SSH1: variants seen among roughly 807,000 people sequenced by gnomAD.
SSH1 encodes protein phosphatase Slingshot homolog 1.
In SSH1, 43 loss-of-function variants were observed where a neutral mutation model predicts 79.7. The ratio of observed to expected loss-of-function variants is 0.54; its 90% CI spans 0.42 to 0.70. The LOEUF is 0.70. Ranked by LOEUF, SSH1 falls within the 30% of genes least tolerant of loss-of-function variation. The probability of loss-of-function intolerance (pLI) is 0.00; values close to 1 mark genes in which losing one functional copy is unlikely to be tolerated. For missense variants in SSH1, 1,206 were observed against 1,358.8 expected (o/e 0.89, Z 1.77); for synonymous variants, 599 against 538.3 (o/e 1.11, Z -1.56).
intron 2 of SSH1, among the ~76,000 whole-genome samples, chr12:108,838,568 A>G (rs1300269936): frequency 1.3e-5 from 2 of 152,228 alleles, no homozygotes; most frequent in Non-Finnish European, 2.9e-5. Context: ...GATGTGACTC[A>G]GCATCCTGTC....
intron 2 of SSH1, among the ~76,000 whole-genome samples, chr12:108,835,932 C>CG (rs2038601510): frequency 1.4e-5 from 1 of 73,092 alleles, no homozygotes; most frequent in South Asian, 5.7e-4. Flanking sequence ...TTAATATAAT[C>CG]AATTATAACT....
At position 108,807,642 on chromosome 12, in the gene SSH1, A is replaced by G; in HGVS notation, c.722T>C (p.Phe241Ser). The change falls in exon 8 of 15, where the codon TTT (phenylalanine) becomes TCT (serine). Residue 241 changes from phenylalanine to serine, a missense_variant. Transcript: ENST00000326495. This position sits in a 1 kb window ranked among gnomAD's most constrained non-coding sequence, Gnocchi z 5.2. ...GAGGCACCTCACTTACTTGTCCACA[A>G]ATAGCGCGGGGGAGTCGGGCCGCGT... ...ESTRPDSPAL[F>S]VDKPTEGERT... 1 of 1,612,658 alleles carries G rather than the reference A, an allele frequency of 6.2e-7. No homozygotes were observed. The highest frequency in any genetic ancestry group is 8.5e-7 in the Non-Finnish European group (1 of 1,179,146).
intron 2 of SSH1, among the ~76,000 whole-genome samples, chr12:108,845,959 G>A (rs540678771): frequency 2.0e-4 from 30 of 152,234 alleles, no homozygotes; most frequent in Non-Finnish European, 3.4e-4. Context: ...GTTCAATGAA[G>A]AGGGGAAGCA....
At chr12:108,840,266 T>G (rs2038744542) in intron 2 of SSH1, among the ~76,000 whole-genome samples, 1 of 152,118 alleles carries the variant, frequency 6.6e-6, no homozygotes, top group African/African-American at 2.4e-5. Flanking sequence ...GCGCAGTGGC[T>G]CATGCCTGTA....
intron 5 of SSH1, 39 bp from the exon 6 acceptor site, chr12:108,811,367 A>G (rs768882667): frequency 6.3e-7 from 1 of 1,599,736 alleles, no homozygotes; most frequent in South Asian, 1.1e-5. Context: ...GTCAGCGTCT[A>G]CCCACCTACG....
chr12:108,811,476 T>C, intron 5 of SSH1, 148 bp from the exon 6 acceptor site: 1 of 734,018 alleles, frequency 1.4e-6, no homozygotes, highest in South Asian at 1.5e-5. Context: ...TGATGAATTC[T>C]AGAAGACACA....
At chr12:108,830,892 G>A (rs61935481) in intron 2 of SSH1, among the ~76,000 whole-genome samples, 2,466 of 152,004 alleles carry the variant, frequency 0.016, 32 homozygotes, top group Non-Finnish European at 0.024. Flanking sequence ...CGATTGTTCC[G>A]CCTTGGCCTC....
intron 13 of SSH1, among the ~76,000 whole-genome samples, chr12:108,797,425 C>T (rs937487327): frequency 1.3e-5 from 2 of 152,164 alleles, no homozygotes; most frequent in African/African-American, 4.8e-5. Flanking sequence ...AAGCCTGAAA[C>T]CTGTGTCCCA....
Position 108,789,176 on chromosome 12 carries a change from G to A in SSH1, c.1962C>T (p.Tyr654=), listed in dbSNP as rs758424386. 7 of 1,611,284 alleles carry A rather than the reference G, an allele frequency of 4.3e-6. No homozygotes were observed. The highest frequency in any genetic ancestry group is 1.1e-5 in the South Asian group (1 of 90,712). ...PSYKSCADCM[Y]PTASGAPEAS... ...CCTCAGGAGCCCCGCTGGCTGTAGG[G>A]TACATGCAGTCGGCACAGGATTTAT... Residue 654 remains tyrosine (Y), a synonymous_variant, in exon 15 of 15, where the codon TAC becomes TAT. Coordinates refer to ENST00000326495, the MANE Select transcript of SSH1 (RefSeq NM_018984.4).
chr12:108,819,385 A>G (rs2038030621), intron 3 of SSH1, among the ~76,000 whole-genome samples: 1 of 152,246 alleles, frequency 6.6e-6, no homozygotes, highest in South Asian at 2.1e-4. Flanking sequence ...TGTCAGAAGA[A>G]GCGCACACTT....
In SSH1 at chr12:108,788,530, G is replaced by T; in HGVS notation, c.2608C>A (p.Pro870Thr). The T allele has an allele frequency of 6.4e-7, 1 of 1,566,330 alleles. No homozygotes were observed. The highest frequency in any genetic ancestry group is 8.6e-7 in the Non-Finnish European group (1 of 1,156,500). ...QDPAALHELGPLVMPSQAGSD... is the reference protein window; with the variant it reads ...QDPAALHELGTLVMPSQAGSD... ...CCGGCCTGGCTGGGCATAACCAGGG[G>T]GCCCAGCTCGTGGAGCGCGGCTGGA... is the stretch of plus-strand genomic sequence containing the variant. The change falls in exon 15 of 15, where the codon CCC (proline) becomes ACC (threonine). Residue 870 changes from proline (P) to threonine (T), a missense_variant. This residue lies in a region of SSH1 where 709 missense variants were observed against 730.6 expected (regional missense o/e 0.97). Transcript: ENST00000326495.
intron 13 of SSH1, 57 bp downstream of exon 13, chr12:108,798,943 G>C (rs557463274): frequency 1.3e-6 from 2 of 1,587,538 alleles, no homozygotes; most frequent in Admixed American, 3.3e-5. Context: ...TGGCTGGCTT[G>C]GCCACATGGC....
chr12:108,820,234 C>T (rs1446398170), intron 3 of SSH1, among the ~76,000 whole-genome samples: 1 of 152,160 alleles, frequency 6.6e-6, no homozygotes, highest in African/African-American at 2.4e-5. Context: ...AACCATGCCC[C>T]TCTTATCTGT....
Position 108,857,115 on chromosome 12 carries a change from T to C in SSH1, c.69+313A>G, listed in dbSNP as rs2039160666. ...CCAAGATGGGGGTAACCCCCTGATGTGGGTCACAGCGCACACACAGTATCC... is the reference window on the plus strand; with the variant it reads ...CCAAGATGGGGGTAACCCCCTGATGCGGGTCACAGCGCACACACAGTATCC... On this transcript the variant is annotated intron_variant, in intron 1 of 14. Transcript: ENST00000326495. The surrounding 1 kb of genome is among the most constrained non-coding windows in gnomAD (Gnocchi z 4.7). 1.3e-5 allele frequency among the ~76,000 whole-genome samples: 2 copies of C among 152,160 alleles called. No individual in the cohort carries two copies. The highest frequency in any genetic ancestry group is 2.9e-5 in the Non-Finnish European group (2 of 68,012).
intron 3 of SSH1, among the ~76,000 whole-genome samples, 161 bp from the exon 4 acceptor site, chr12:108,818,474 T>C (rs2037990113): frequency 6.6e-6 from 1 of 152,208 alleles, no homozygotes; most frequent in African/African-American, 2.4e-5. Context: ...AAGTCTGAAT[T>C]TCTCTTACAC....
At position 108,855,511 on chromosome 12, in the gene SSH1, A is replaced by G. The variant is rs80076348; in HGVS notation, c.69+1917T>C. ...ATTTATGGTATGTAACTAAAAAATA[A>G]TAAGACCTTAAAATGCGTAAGACAA... On this transcript the variant is annotated intron_variant, in intron 1 of 14. Coordinates refer to ENST00000326495, the MANE Select transcript of SSH1 (RefSeq NM_018984.4). 6.8e-4 allele frequency among the ~76,000 whole-genome samples: 104 copies of G among 152,356 alleles called. No individual in the cohort carries two copies. The East Asian group carries it at 0.018, about 27-fold the overall frequency.
In SSH1 at chr12:108,853,214, T is replaced by TA. The variant is rs139669054; in HGVS notation, c.70-537dup. The TA allele has an allele frequency of 5.0e-3, 4,970 of 985,388 alleles. 197 individuals are homozygous for TA. The African/African-American group carries it at 0.08, about 16-fold the overall frequency. 61.0% of individuals were successfully genotyped at this position (985,388 alleles called of 1,614,324 possible). On this transcript the variant is annotated intron_variant, in intron 1 of 14. Coordinates refer to ENST00000326495, the MANE Select transcript of SSH1 (RefSeq NM_018984.4). Reference sequence around the variant, plus strand: ...GCTCTTGATGGTTCTCGAAAAGACTTAAACATTTGATACGAAACATCCTAG... The same window carrying TA: ...GCTCTTGATGGTTCTCGAAAAGACTTAAAACATTTGATACGAAACATCCTAG...
At chr12:108,811,215 G>A (rs771191364) in intron 6 of SSH1, 45 bp downstream of exon 6, 20 of 1,573,542 alleles carry the variant, frequency 1.3e-5, no homozygotes, top group South Asian at 3.3e-5. Context: ...TGTTTTCAAT[G>A]CCTACTACAT....
chr12:108,804,415 C>G (rs2037171588), intron 10 of SSH1, among the ~76,000 whole-genome samples: 1 of 152,082 alleles, frequency 6.6e-6, no homozygotes, highest in Admixed American at 6.5e-5. Flanking sequence ...GCCTCTCTGA[C>G]TTTGACAACT....
Sources: allele counts gnomAD v4.1 joint callset (sites outside exome capture counted in the v4.1 genomes callset), GRCh38; gene constraint gnomAD v4.1.1; regional missense constraint gnomAD v4.1.1; non-coding constraint Gnocchi (gnomAD v3.1); transcripts MANE v1.5; gene names NCBI Gene and HGNC (gene_info 2026-07-23, HGNC 2026-07-21).